Variants in SASH1 observed in about 807,000 individuals in gnomAD.
SASH1 encodes the protein SAM and SH3 domain-containing protein 1.
In SASH1, 44 loss-of-function variants were observed where a neutral mutation model predicts 125.2. That is an observed-to-expected ratio of 0.35 (90% CI 0.28 to 0.45). The LOEUF is 0.45. SASH1 is among the 20% of genes least tolerant of loss of function. SASH1 has a pLI of 1.00. For missense variants in SASH1, 1,426 were observed against 1,614.5 expected, an observed-to-expected ratio of 0.88 and a Z score of 2.00; for synonymous variants, 639 against 649.1, an observed-to-expected ratio of 0.98 and a Z score of 0.24.
At chr6:148,514,918 T>G (rs2115331589) in intron 9 of SASH1, among the ~76,000 whole-genome samples, 2 of 152,356 alleles carry the variant, frequency 1.3e-5, no homozygotes, top group Admixed American at 1.3e-4. Flanking sequence ...CAGGGTTGAT[T>G]TGTTCTTCCT....
intron 1 of SASH1, among the ~76,000 whole-genome samples, chr6:148,387,121 T>C (rs1583063377): frequency 1.3e-5 from 2 of 148,416 alleles, no homozygotes; most frequent in Admixed American, 6.7e-5. Context: ...TCTTTTCTTT[T>C]TTTTTTTTTT....
chr6:148,442,842 C>G (rs902415532), intron 4 of SASH1, among the ~76,000 whole-genome samples: 1 of 151,798 alleles, frequency 6.6e-6, no homozygotes, highest in African/African-American at 2.4e-5. Context: ...GGCGTCATCT[C>G]GGCTCACTGC....
chr6:148,291,381 T>C (rs1170799572), intron 1 of SASH1, among the ~76,000 whole-genome samples: 1 of 152,154 alleles, frequency 6.6e-6, no homozygotes, highest in East Asian at 1.9e-4. Context: ...AAAGAATAGC[T>C]TTTAAAAAGT....
At chr6:148,411,166 CAAAAAAAAAAAAAA>C (rs56342457) in intron 2 of SASH1, among the ~76,000 whole-genome samples, 19 of 46,182 alleles carry the variant, frequency 4.1e-4, no homozygotes, top group South Asian at 1.7e-3. Context: ...ACTCCATCTC[CAAAAAAAAAAAAAA>C]AAAAAAAAAA....
the SASH1 span, among the ~76,000 whole-genome samples, chr6:148,195,242 A>C: frequency 6.6e-6 from 1 of 152,210 alleles, no homozygotes; most frequent in Non-Finnish European, 1.5e-5. Context: ...AACTATAGAA[A>C]AATTAAAAAG....
In SASH1 at chr6:148,544,709, C is replaced by G; in HGVS notation, c.3239C>G (p.Ala1080Gly). Residue 1080 changes from alanine (A) to glycine (G), a missense_variant, in exon 18 of 20, where the codon GCT (alanine) becomes GGT (glycine). By Grantham distance (60) the Ala-to-Gly change is moderately conservative. Coordinates refer to ENST00000367467, the MANE Select transcript of SASH1 (RefSeq NM_015278.5). This position sits in a 1 kb window ranked among gnomAD's most constrained non-coding sequence, Gnocchi z 6.4. ...LQEHGVKLGP[A>G]LTRKVSCARG... is the part of the protein sequence containing the mutation. ...GAGCACGGTGTGAAGCTGGGCCCGG[C>G]TTTGACCAGGAAGGTCTCCTGTGCC... The G allele has an allele frequency of 6.2e-7, 1 of 1,611,368 alleles. No homozygotes were observed. Among genetic ancestry groups the G allele is most frequent in the Non-Finnish European group, 8.5e-7 (1 of 1,178,706 alleles).
intron 1 of SASH1, among the ~76,000 whole-genome samples, chr6:148,336,998 C>A (rs973962686): frequency 4.6e-5 from 7 of 152,176 alleles, no homozygotes; most frequent in African/African-American, 1.4e-4. Flanking sequence ...CTAAATACCC[C>A]ACAACTTGTA....
At chr6:148,537,021 T>G (rs1197045650) in intron 16 of SASH1, among the ~76,000 whole-genome samples, 1 of 152,190 alleles carries the variant, frequency 6.6e-6, no homozygotes, top group Admixed American at 6.5e-5. Context: ...AGAGTCAGGG[T>G]CCAGACTTTT....
the SASH1 span, among the ~76,000 whole-genome samples, chr6:148,204,668 G>A: frequency 1.3e-5 from 2 of 151,952 alleles, no homozygotes; most frequent in South Asian, 2.1e-4. Flanking sequence ...CTCCAGACTG[G>A]GCAACGAGAG....
At chr6:148,263,173 A>G in the SASH1 span, among the ~76,000 whole-genome samples, 2 of 151,562 alleles carry the variant, frequency 1.3e-5, no homozygotes, top group African/African-American at 4.8e-5. Context: ...CCCAAGAAAA[A>G]CCTGATGAGT....
upstream of SASH1, among the ~76,000 whole-genome samples, chr6:148,271,506 A>G (rs1255402358): frequency 1.3e-5 from 2 of 152,076 alleles, no homozygotes; most frequent in East Asian, 1.9e-4. Flanking sequence ...TTAACTTTTA[A>G]TATTTTTTAA....
chr6:148,437,794 T>C (rs1331928304), intron 2 of SASH1, among the ~76,000 whole-genome samples: 1 of 152,260 alleles, frequency 6.6e-6, no homozygotes, highest in African/African-American at 2.4e-5. Flanking sequence ...CATGCTAAGA[T>C]GAAATGATTA....
rs200835251 is a variant in SASH1, at chr6:148,548,474, C to T, written c.3660C>T (p.Ala1220=). 34 of 1,614,178 alleles carry T rather than the reference C, an allele frequency of 2.1e-5. No homozygotes were observed. The East Asian group carries it at 2.7e-4, about 13-fold the overall frequency. ...TGTCTCACACTTGCCTTCAGGAGGC[C>T]GGCATCACAGAGGAGAGACACATAA... ...PSLSHTCLQE[A]GITEERHIRK... Residue 1220 remains alanine, a synonymous_variant, in exon 20 of 20, where the codon GCC becomes GCT. Coordinates refer to ENST00000367467, the MANE Select transcript of SASH1 (RefSeq NM_015278.5).
chr6:148,288,973 T>C (rs972391665), intron 1 of SASH1, among the ~76,000 whole-genome samples: 2 of 152,084 alleles, frequency 1.3e-5, no homozygotes, highest in African/African-American at 4.8e-5. Flanking sequence ...ATTTAGGGCA[T>C]GCCTGTGCCC....
At position 148,544,772 on chromosome 6, in the gene SASH1, T is replaced by G; in HGVS notation, c.3302T>G (p.Leu1101Arg). The change falls in exon 18 of 20, where the codon CTG becomes CGG. Residue 1101 changes from leucine (L) to arginine (R), a missense_variant. By Grantham distance (102) the Leu-to-Arg change is moderately radical. Coordinates refer to ENST00000367467, the MANE Select transcript of SASH1 (RefSeq NM_015278.5). This position sits in a 1 kb window ranked among gnomAD's most constrained non-coding sequence, Gnocchi z 6.4. ...VDLETLTENKLHAEGIDLTEE... is the reference protein window; with the variant it reads ...VDLETLTENKRHAEGIDLTEE... ...CTAGAAACGCTCACTGAAAACAAGC[T>G]GCACGCTGAAGGCATCGATCTCACG... The G allele has an allele frequency of 6.2e-7, 1 of 1,603,978 alleles. No homozygotes were observed. The highest frequency in any genetic ancestry group is 8.5e-7 in the Non-Finnish European group (1 of 1,175,282).
Position 148,416,538 on chromosome 6 carries a change from G to A in SASH1, c.286-23646G>A, listed in dbSNP as rs540229056. On this transcript the variant is annotated intron_variant, in intron 2 of 19. Coordinates refer to ENST00000367467, the MANE Select transcript of SASH1 (RefSeq NM_015278.5). ...CTGGACGACATGTGTGCTATGTGTC[G>A]CAAAACCCTTCACAAGTGTTACCTA... 1.1e-4 allele frequency among the ~76,000 whole-genome samples: 17 copies of A among 152,236 alleles called. No homozygotes were observed. In the South Asian group the frequency reaches 2.9e-3, roughly 26 times the overall value.
At chr6:148,284,498 C>A (rs1779432541) in intron 1 of SASH1, among the ~76,000 whole-genome samples, 1 of 152,124 alleles carries the variant, frequency 6.6e-6, no homozygotes, top group Admixed American at 6.5e-5. Context: ...TAAACAAAAA[C>A]AAAATAACCA....
intron 8 of SASH1, among the ~76,000 whole-genome samples, chr6:148,500,914 C>T (rs1779534501): frequency 6.6e-6 from 1 of 152,216 alleles, no homozygotes; most frequent in South Asian, 2.1e-4. Flanking sequence ...AATTGGATGA[C>T]CACAAAGAAC....
intron 2 of SASH1, among the ~76,000 whole-genome samples, chr6:148,401,796 ATG>A (rs1166293072): frequency 1.3e-5 from 2 of 151,914 alleles, no homozygotes; most frequent in East Asian, 1.9e-4. Flanking sequence ...GGGGGGGTGT[ATG>A]TTTTTTTTTA....
Sources: gnomAD v4.1 joint callset for allele counts (sites outside exome capture counted in the v4.1 genomes callset) on GRCh38, gnomAD v4.1.1 for gene constraint, Gnocchi (gnomAD v3.1) non-coding constraint, MANE v1.5 for transcripts, NCBI Gene and HGNC (gene_info 2026-07-23, HGNC 2026-07-21) for gene names.